Variants in UCK2 observed in about 807,000 individuals in gnomAD.
The protein encoded by UCK2 is uridine-cytidine kinase 2, also known as cytidine monophosphokinase 2.
UCK2 carries 6 observed loss-of-function variants against 30.8 expected under a neutral mutation model. That is an observed-to-expected ratio of 0.19 (90% CI 0.11 to 0.38). The LOEUF (loss-of-function observed/expected upper bound fraction) is 0.38, where lower values mean the gene tolerates loss of function less well. Ranked by LOEUF, UCK2 falls within the 10% of genes least tolerant of loss-of-function variation. The probability of loss-of-function intolerance (pLI) is 1.00; values close to 1 mark genes in which losing one functional copy is unlikely to be tolerated. For synonymous variants in UCK2, 125 were observed against 133.6 expected (o/e 0.94, Z 0.45); for missense variants, 210 against 339.8 (o/e 0.62, Z 3.00).
intron 1 of UCK2, among the ~76,000 whole-genome samples, chr1:165,839,209 A>G (rs1654267939): frequency 6.6e-6 from 1 of 152,132 alleles, no homozygotes; most frequent in Non-Finnish European, 1.5e-5. Flanking sequence ...CAATGGCTAC[A>G]TTTTTCTCTA....
intron 4 of UCK2, among the ~76,000 whole-genome samples, chr1:165,901,975 C>T (rs1005780624): frequency 6.7e-6 from 1 of 149,816 alleles, no homozygotes; most frequent in African/African-American, 2.5e-5. Flanking sequence ...AGGCTCACAC[C>T]TGTAATTCCC....
Position 165,870,898 on chromosome 1 carries a change from A to G in UCK2, c.100-19306A>G, listed in dbSNP as rs1026374633. On this transcript the variant is annotated intron_variant, in intron 1 of 6. Transcript: ENST00000367879. The stretch of plus-strand genomic sequence containing the variant: ...AGTGGCACGATCTTGGCTCATTGCA[A>G]CCTCCGCCGTCCAGGTTCAAGCCAT... Among the ~76,000 whole-genome samples, 5 of 152,250 alleles carry G rather than the reference A, an allele frequency of 3.3e-5. No homozygotes were observed. The East Asian group carries it at 9.7e-4, about 29-fold the overall frequency.
chr1:165,904,077 G>A (rs1647569589), intron 5 of UCK2: 1 of 152,236 alleles, frequency 6.6e-6, no homozygotes, highest in South Asian at 2.1e-4. Context: ...CTGAGACCGG[G>A]AGGAAGGGAA....
intron 1 of UCK2, among the ~76,000 whole-genome samples, chr1:165,846,649 T>G (rs1410350635): frequency 2.6e-5 from 4 of 152,200 alleles, no homozygotes; most frequent in Non-Finnish European, 5.9e-5. Flanking sequence ...CACATTTCAC[T>G]GGGGAGAGTG....
At chr1:165,840,403 C>G (rs1029803074) in intron 1 of UCK2, among the ~76,000 whole-genome samples, 2 of 152,148 alleles carry the variant, frequency 1.3e-5, no homozygotes, top group Admixed American at 6.6e-5. Flanking sequence ...CAATTGAAAT[C>G]TACTCTCTTG....
chr1:165,836,496 A>G (rs577985393), intron 1 of UCK2, among the ~76,000 whole-genome samples: 1 of 152,346 alleles, frequency 6.6e-6, no homozygotes, highest in Non-Finnish European at 1.5e-5. Context: ...ATTATATGTC[A>G]AAATACAGTG....
intron 4 of UCK2, among the ~76,000 whole-genome samples, chr1:165,898,291 A>G (rs1571299070): frequency 1.3e-5 from 2 of 152,172 alleles, no homozygotes; most frequent in African/African-American, 2.4e-5. Flanking sequence ...ACTTTTTTGT[A>G]TCTCATTTTC....
At chr1:165,894,857 C>G (rs1655854492) in intron 3 of UCK2, among the ~76,000 whole-genome samples, 1 of 152,160 alleles carries the variant, frequency 6.6e-6, no homozygotes, top group South Asian at 2.1e-4. Flanking sequence ...ACAGATGGAA[C>G]TACTGTTTTA....
Position 165,911,555 on chromosome 1 carries a change from G to C in UCK2, c.*3732G>C, listed in dbSNP as rs1434853593. Reference sequence around the variant, plus strand: ...TTCTTTTTACCACCCTACCTTTATTGTTAGTGGTTACAAAGTGACCACATA... The same window carrying C: ...TTCTTTTTACCACCCTACCTTTATTCTTAGTGGTTACAAAGTGACCACATA... On this transcript the variant is annotated 3_prime_UTR_variant, in exon 7 of 7. Coordinates refer to ENST00000367879, the MANE Select transcript of UCK2 (RefSeq NM_012474.5). 6.6e-6 allele frequency: 1 copy of C among 151,956 alleles called. No individual in the cohort carries two copies. Among genetic ancestry groups the C allele is most frequent in the Admixed American group, 6.5e-5 (1 of 15,268 alleles). The allele number at this position is 151,956 out of a possible 1,614,324, so 9.4% of individuals were successfully genotyped here.
chr1:165,863,570 T>C (rs1219361464), intron 1 of UCK2, among the ~76,000 whole-genome samples: 17 of 152,242 alleles, frequency 1.1e-4, no homozygotes, highest in Admixed American at 8.5e-4. Flanking sequence ...GCAGTGTGTT[T>C]GTAAGTTGGG....
Position 165,890,211 on chromosome 1 carries a change from T to C in UCK2, c.107T>C (p.Val36Ala), listed in dbSNP as rs1428569332. 7 of 1,613,952 alleles carry C rather than the reference T, an allele frequency of 4.3e-6. No individual in the cohort carries two copies. The change falls in exon 2 of 7, where the codon GTG becomes GCG. Residue 36 changes from valine (V) to alanine (A), a missense_variant. Physicochemically the swap from Val to Ala is moderately conservative, Grantham distance 64. Transcript: ENST00000367879. ...SGGTASGKSS[V>A]CAKIVQLLGQ... is the part of the protein sequence containing the mutation. ...TCTCTTCTCTCCTCACAGTCTTCCG[T>C]GTGTGCTAAGATCGTGCAGCTCCTG...
intron 1 of UCK2, among the ~76,000 whole-genome samples, chr1:165,856,775 T>C (rs542829590): frequency 1.6e-4 from 24 of 152,284 alleles, no homozygotes; most frequent in Admixed American, 1.6e-3. Context: ...AATAGGCAAG[T>C]TTATTGGAAC....
intron 3 of UCK2, chr1:165,894,434 A>AT (rs887610980): frequency 2.0e-5 from 3 of 151,862 alleles, no homozygotes; most frequent in African/African-American, 7.3e-5. Flanking sequence ...TGGGCACACC[A>AT]TTTTCTGGCA....
At chr1:165,838,996 C>T (rs1213056588) in intron 1 of UCK2, among the ~76,000 whole-genome samples, 4 of 151,722 alleles carry the variant, frequency 2.6e-5, no homozygotes, top group Non-Finnish European at 4.4e-5. Flanking sequence ...TTCAGTGAGC[C>T]GAGATCGTGC....
At chr1:165,878,315 G>C (rs1001699983) in intron 1 of UCK2, among the ~76,000 whole-genome samples, 1 of 150,328 alleles carries the variant, frequency 6.7e-6, no homozygotes, top group East Asian at 2.0e-4. Flanking sequence ...TTCATGGCTT[G>C]CCAGCTCATT....
intron 1 of UCK2, among the ~76,000 whole-genome samples, chr1:165,864,819 A>G (rs1375713644): frequency 2.1e-5 from 3 of 143,120 alleles, no homozygotes; most frequent in Non-Finnish European, 4.7e-5. Flanking sequence ...GTCCAGGACT[A>G]CAGGGGTGAG....
chr1:165,871,535 G>A (rs774584328), intron 1 of UCK2, among the ~76,000 whole-genome samples: 8 of 152,080 alleles, frequency 5.3e-5, no homozygotes, highest in Non-Finnish European at 8.8e-5. Context: ...TTTCCTCTTC[G>A]GTTATTTGCC....
At chr1:165,882,448 G>A (rs1655521805) in intron 1 of UCK2, among the ~76,000 whole-genome samples, 1 of 152,208 alleles carries the variant, frequency 6.6e-6, no homozygotes, top group Admixed American at 6.5e-5. Context: ...TAAAGATAGT[G>A]TACCTCATTA....
chr1:165,851,021 C>T (rs1654583264), intron 1 of UCK2, among the ~76,000 whole-genome samples: 2 of 151,036 alleles, frequency 1.3e-5, no homozygotes, highest in South Asian at 4.2e-4. Flanking sequence ...CCTTTGCCCT[C>T]CCAGAGTGCT....
Sources: allele counts gnomAD v4.1 joint callset (sites outside exome capture counted in the v4.1 genomes callset), GRCh38; gene constraint gnomAD v4.1.1; transcripts MANE v1.5; gene names NCBI Gene and HGNC (gene_info 2026-07-23, HGNC 2026-07-21).